The following SPIRE1 variants were observed in gnomAD, a reference collection of about 807,000 sequenced individuals.
The protein encoded by SPIRE1 is protein spire homolog 1.
Under a neutral mutation model 94.1 loss-of-function variants are expected in SPIRE1, and 40 were observed. That is an observed-to-expected ratio of 0.43 (90% CI 0.33 to 0.55). SPIRE1 has a LOEUF of 0.55. SPIRE1 is among the 20% of genes least tolerant of loss of function. The probability of loss-of-function intolerance (pLI) is 0.06; values close to 1 mark genes in which losing one functional copy is unlikely to be tolerated. For synonymous variants in SPIRE1, 376 were observed against 371.7 expected (o/e 1.01, Z -0.13); for missense variants, 838 against 975.2 (o/e 0.86, Z 1.87).
chr18:12,580,876 G>C (rs1220420338), intron 2 of SPIRE1, among the ~76,000 whole-genome samples: 2 of 152,134 alleles, frequency 1.3e-5, no homozygotes, highest in Admixed American at 6.5e-5. Context: ...GAAAGCAGTA[G>C]AGCTAGTTAT....
intron 2 of SPIRE1, among the ~76,000 whole-genome samples, chr18:12,600,343 C>G (rs545086751): frequency 3.9e-5 from 6 of 152,252 alleles, no homozygotes; most frequent in Admixed American, 2.0e-4. Flanking sequence ...AGCTTCTAAA[C>G]GTGTGGTAAC....
intron 1 of SPIRE1, among the ~76,000 whole-genome samples, chr18:12,642,077 G>A (rs8086099): frequency 0.46 from 69,288 of 151,836 alleles, 16,363 homozygotes; most frequent in Middle Eastern, 0.54. Context: ...TGATCCGCCC[G>A]CCTCAGCGTG....
chr18:12,553,264 A>G (rs1333505641), intron 2 of SPIRE1, among the ~76,000 whole-genome samples: 1 of 152,192 alleles, frequency 6.6e-6, no homozygotes, highest in Non-Finnish European at 1.5e-5. Flanking sequence ...TAGAGCACCA[A>G]GTAGGCTCTT....
intron 6 of SPIRE1, among the ~76,000 whole-genome samples, chr18:12,497,503 T>C (rs969456744): frequency 3.9e-5 from 6 of 152,136 alleles, no homozygotes; most frequent in Non-Finnish European, 5.9e-5. Flanking sequence ...TCAGAGTGTG[T>C]GGCAAGCCTG....
intron 6 of SPIRE1, among the ~76,000 whole-genome samples, chr18:12,496,601 G>A (rs1217203697): frequency 1.3e-5 from 2 of 152,186 alleles, no homozygotes; most frequent in East Asian, 3.9e-4. Flanking sequence ...TGGGTGTGGT[G>A]GCTCACGTCT....
At chr18:12,491,440 C>T (rs1010086633) in intron 8 of SPIRE1, among the ~76,000 whole-genome samples, 7 of 151,936 alleles carry the variant, frequency 4.6e-5, no homozygotes, top group African/African-American at 1.7e-4. Context: ...TGGCAAACAA[C>T]AGTGGAACAG....
At chr18:12,525,226 G>A (rs2034475653) in intron 4 of SPIRE1, among the ~76,000 whole-genome samples, 1 of 130,274 alleles carries the variant, frequency 7.7e-6, no homozygotes, top group African/African-American at 3.0e-5. Context: ...GCAGTGAGCT[G>A]AGATCATGCC....
rs915531094 is a variant in SPIRE1 at position 12,464,850 on chromosome 18, A to G, written c.1495+18T>C. 1.2e-6 allele frequency: 2 copies of G among 1,604,986 alleles called. No homozygotes were observed. Among genetic ancestry groups the G allele is most frequent in the African/African-American group, 1.3e-5 (1 of 74,834 alleles). ...AGTAAGACATCCGACTACAGCTCTT[A>G]GCACCACAACTACTCACTCTTCCTT... On this transcript the variant is annotated intron_variant, in intron 11 of 16. Coordinates refer to ENST00000409402, the MANE Select transcript of SPIRE1 (RefSeq NM_001128626.2).
upstream of SPIRE1, chr18:12,658,253 G>C (rs565726100): frequency 2.1e-6 from 1 of 465,812 alleles, no homozygotes; most frequent in Non-Finnish European, 4.1e-6. Flanking sequence ...ATGGCCGCAC[G>C]GTCTCTAGCC....
chr18:12,490,014 C>T (rs1310158186), intron 8 of SPIRE1, among the ~76,000 whole-genome samples: 1 of 152,028 alleles, frequency 6.6e-6, no homozygotes, highest in Admixed American at 6.6e-5. Context: ...AACTGAACTC[C>T]CCAAAGCAAA....
At chr18:12,598,619 G>A (rs1005493608) in intron 2 of SPIRE1, among the ~76,000 whole-genome samples, 2 of 152,106 alleles carry the variant, frequency 1.3e-5, no homozygotes, top group Non-Finnish European at 2.9e-5. Context: ...AAAACTTACA[G>A]AAAAGTCTCA....
intron 10 of SPIRE1, among the ~76,000 whole-genome samples, chr18:12,471,895 A>G (rs1251795804): frequency 2.0e-5 from 3 of 151,938 alleles, no homozygotes; most frequent in African/African-American, 7.2e-5. Flanking sequence ...AGTGATTCCC[A>G]TGCCTCAGCC....
chr18:12,512,726 T>C (rs943891379), intron 4 of SPIRE1, among the ~76,000 whole-genome samples, 195 bp from the exon 5 acceptor site: 5 of 151,920 alleles, frequency 3.3e-5, no homozygotes, highest in African/African-American at 1.2e-4. Context: ...TGGACGGAGA[T>C]TGCTCACTCT....
At chr18:12,506,143 G>C (rs1048607332) in intron 6 of SPIRE1, among the ~76,000 whole-genome samples, 1 of 151,902 alleles carries the variant, frequency 6.6e-6, no homozygotes, top group Non-Finnish European at 1.5e-5. Context: ...ATAACCATTT[G>C]AGTCCATTAA....
At chr18:12,604,856 C>T (rs1347387784) in intron 2 of SPIRE1, among the ~76,000 whole-genome samples, 1 of 152,104 alleles carries the variant, frequency 6.6e-6, no homozygotes, top group Admixed American at 6.5e-5. Context: ...AACCAGTTGT[C>T]CACCAAACAG....
intron 2 of SPIRE1, among the ~76,000 whole-genome samples, chr18:12,625,243 T>A (rs1390532526): frequency 6.6e-6 from 1 of 152,206 alleles, no homozygotes; most frequent in Non-Finnish European, 1.5e-5. Context: ...CACAATTTCC[T>A]CTGAGGACGT....
chr18:12,470,529 C>T (rs1223703357), intron 10 of SPIRE1, among the ~76,000 whole-genome samples: 4 of 152,160 alleles, frequency 2.6e-5, no homozygotes, highest in Non-Finnish European at 5.9e-5. Flanking sequence ...TCACACTAAC[C>T]TCTGCTAGCA....
At chr18:12,602,879 C>T (rs981112777) in intron 2 of SPIRE1, among the ~76,000 whole-genome samples, 7 of 152,280 alleles carry the variant, frequency 4.6e-5, no homozygotes, top group East Asian at 1.9e-4. Flanking sequence ...GAATGGTCAA[C>T]GGCCTAGTTA....
chr18:12,514,831 GTAAAA>G (rs1365527434), intron 4 of SPIRE1, among the ~76,000 whole-genome samples: 1 of 152,002 alleles, frequency 6.6e-6, no homozygotes, highest in Non-Finnish European at 1.5e-5. Flanking sequence ...GAATAAATAG[GTAAAA>G]TAAAATAAAG....
Sources: allele counts gnomAD v4.1 joint callset (sites outside exome capture counted in the v4.1 genomes callset), GRCh38; gene constraint gnomAD v4.1.1; transcripts MANE v1.5; gene names NCBI Gene and HGNC (gene_info 2026-07-23, HGNC 2026-07-21).